CCND3: variants seen among roughly 807,000 people sequenced by gnomAD.
CCND3 encodes G1/S-specific cyclin-D3.
In CCND3, 9 loss-of-function variants were observed where a neutral mutation model predicts 28.7. The ratio of observed to expected loss-of-function variants is 0.31; its 90% CI spans 0.19 to 0.55. The LOEUF is 0.55. Among genes scored for constraint, CCND3 ranks in the 20% least tolerant of loss-of-function variants. The pLI is 0.93. For synonymous variants in CCND3, 164 were observed against 163.9 expected (o/e 1.00, Z 0.00); for missense variants, 315 against 385.8 (o/e 0.82, Z 1.54).
intron 1 of CCND3, among the ~76,000 whole-genome samples, chr6:42,014,207 T>C (rs981202757): frequency 7.6e-6 from 1 of 131,252 alleles, no homozygotes; most frequent in Non-Finnish European, 1.6e-5. Flanking sequence ...CTACCAAAAA[T>C]ACAAAAAAAA....
At chr6:41,980,188 T>G (rs558463255) in intron 1 of CCND3, among the ~76,000 whole-genome samples, 1 of 151,108 alleles carries the variant, frequency 6.6e-6, no homozygotes, top group Non-Finnish European at 1.5e-5. Context: ...CAGACTGGAG[T>G]GCAGTGGCAC....
intron 1 of CCND3, among the ~76,000 whole-genome samples, chr6:41,951,166 G>A (rs552493742): frequency 2.6e-5 from 4 of 152,144 alleles, no homozygotes; most frequent in African/African-American, 9.6e-5. Flanking sequence ...AGGAAGGGTG[G>A]GCTGTCCTGG....
intron 1 of CCND3, among the ~76,000 whole-genome samples, chr6:41,992,163 A>G (rs1437208670): frequency 6.6e-6 from 1 of 151,832 alleles, no homozygotes; most frequent in Non-Finnish European, 1.5e-5. Context: ...TTTTTGTTTT[A>G]TTTATTTTTT....
intron 1 of CCND3, among the ~76,000 whole-genome samples, chr6:42,046,549 T>C (rs1213319827): frequency 6.6e-6 from 1 of 152,228 alleles, no homozygotes; most frequent in African/African-American, 2.4e-5. Flanking sequence ...TTGAATATAA[T>C]CTTAGTTCAT....
intron 1 of CCND3, among the ~76,000 whole-genome samples, chr6:41,972,346 C>T (rs1762057959): frequency 6.6e-6 from 1 of 151,970 alleles, no homozygotes; most frequent in African/African-American, 2.4e-5. Context: ...TGAATGTGTT[C>T]TTGCTGATTT....
intron 1 of CCND3, among the ~76,000 whole-genome samples, chr6:41,973,059 G>T (rs898604362): frequency 1.3e-5 from 2 of 152,026 alleles, no homozygotes; most frequent in Non-Finnish European, 2.9e-5. Context: ...TCAATGAGAC[G>T]TTGGGCTGGA....
chr6:41,952,445 C>G (rs1388585902), intron 1 of CCND3, among the ~76,000 whole-genome samples: 1 of 152,178 alleles, frequency 6.6e-6, no homozygotes, highest in Admixed American at 6.5e-5. Flanking sequence ...GCGTGCTTGA[C>G]AGCTATTGTA....
upstream of CCND3, among the ~76,000 whole-genome samples, chr6:42,049,142 TCTC>T (rs1469878546): frequency 1.3e-5 from 2 of 152,174 alleles, no homozygotes; most frequent in African/African-American, 4.8e-5. Flanking sequence ...TTCAAGCTAT[TCTC>T]CTGCCTCAGC....
chr6:42,029,174 A>C (rs925197233), intron 1 of CCND3, among the ~76,000 whole-genome samples: 1 of 150,036 alleles, frequency 6.7e-6, no homozygotes, highest in South Asian at 2.1e-4. Context: ...ATTATTTTTT[A>C]GAGACAGGGT....
intron 1 of CCND3, among the ~76,000 whole-genome samples, chr6:41,972,997 A>G (rs1422762573): frequency 2.0e-5 from 3 of 152,130 alleles, no homozygotes; most frequent in African/African-American, 7.2e-5. Context: ...AAGCTGGGGA[A>G]GAGAACAGCT....
At chr6:41,965,805 G>C (rs1190674113) in intron 1 of CCND3, among the ~76,000 whole-genome samples, 2 of 152,186 alleles carry the variant, frequency 1.3e-5, no homozygotes, top group Non-Finnish European at 2.9e-5. Context: ...CGATGCCGTA[G>C]GGTTAAGGTC....
intron 1 of CCND3, among the ~76,000 whole-genome samples, chr6:42,007,387 G>A (rs1415232476): frequency 6.6e-6 from 1 of 152,240 alleles, no homozygotes; most frequent in East Asian, 1.9e-4. Flanking sequence ...AAGTCCAATT[G>A]AAGTCAGGAC....
chr6:42,034,619 A>C (rs1764149052), intron 1 of CCND3, among the ~76,000 whole-genome samples: 1 of 151,712 alleles, frequency 6.6e-6, no homozygotes, highest in African/African-American at 2.4e-5. Context: ...CTGGGACTAC[A>C]GGCTCGTGCC....
rs572392078 is a variant in CCND3, at chr6:42,048,594, T to C, written c.-139A>G. The C allele has an allele frequency of 1.4e-5, 7 of 514,998 alleles. No homozygotes were observed. The highest frequency in any genetic ancestry group is 2.7e-5 in the Non-Finnish European group (7 of 258,536). 31.9% of individuals were successfully genotyped at this position (514,998 alleles called of 1,614,324 possible). A position where few individuals can be genotyped will look rare whatever the true frequency, so the allele number is the denominator to read the frequency against. ...GCCTGCCTTTGGGGAGTGGGGGTGG[T>C]CGCAACCACCAGCCGCGAGGAGAGG... On this transcript the variant is annotated 5_prime_UTR_variant, in exon 1 of 5. Coordinates refer to the CCND3 transcript ENST00000372988. This position sits in a 1 kb window ranked among gnomAD's most constrained non-coding sequence, Gnocchi z 4.7.
intron 1 of CCND3, among the ~76,000 whole-genome samples, chr6:41,991,311 G>T (rs1319841864): frequency 1.3e-5 from 2 of 151,878 alleles, no homozygotes; most frequent in African/African-American, 2.4e-5. Flanking sequence ...CACCCGCCTT[G>T]GTCTCCCAAA....
At chr6:41,971,106 C>T (rs1386142887) in intron 1 of CCND3, among the ~76,000 whole-genome samples, 1 of 151,896 alleles carries the variant, frequency 6.6e-6, no homozygotes, top group African/African-American at 2.4e-5. Flanking sequence ...TTAGTAAAGA[C>T]GGGGTTTCAC....
chr6:41,956,528 T>C (rs1561960308), intron 1 of CCND3, among the ~76,000 whole-genome samples: 2 of 152,160 alleles, frequency 1.3e-5, no homozygotes, highest in Non-Finnish European at 2.9e-5. Context: ...TACACATGTT[T>C]ATGTATGGCA....
intron 1 of CCND3, among the ~76,000 whole-genome samples, chr6:42,039,386 G>T (rs985482634): frequency 6.6e-6 from 1 of 152,214 alleles, no homozygotes; most frequent in Non-Finnish European, 1.5e-5. Flanking sequence ...GAGCCCAGGA[G>T]TCCTCGACCC....
intron 1 of CCND3, among the ~76,000 whole-genome samples, chr6:41,987,499 CTCTCTCTCTCTCTCTCTCTGTGTG>C (rs1464483262): frequency 8.7e-4 from 73 of 84,322 alleles, no homozygotes; most frequent in African/African-American, 3.4e-3. Context: ...CTCTCTCTCT[CTCTCTCTCTCTCTCTCTCTGTGTG>C]TGTGTGTGTG....
Sources: gnomAD v4.1 joint callset for allele counts (sites outside exome capture counted in the v4.1 genomes callset) on GRCh38, gnomAD v4.1.1 for gene constraint, Gnocchi (gnomAD v3.1) non-coding constraint, MANE v1.5 for transcripts, NCBI Gene and HGNC (gene_info 2026-07-23, HGNC 2026-07-21) for gene names.